The following TRPM5 variants were observed in gnomAD, a reference collection of about 807,000 sequenced individuals.
The protein encoded by TRPM5 is MLSN1 and TRP-related.
A neutral mutation model predicts 124.9 loss-of-function variants in TRPM5; 121 were observed. That is an observed-to-expected ratio of 0.97 (90% CI 0.84 to 1.13). TRPM5 has a LOEUF of 1.13. TRPM5 is among the 50% of genes most tolerant of loss of function. TRPM5 has a pLI of 0.00. For synonymous variants in TRPM5, 781 were observed against 700.5 expected, an observed-to-expected ratio of 1.11 and a Z score of -1.81; for missense variants, 1,643 against 1,589.1, an observed-to-expected ratio of 1.03 and a Z score of -0.58.
the TRPM5 span, among the ~76,000 whole-genome samples, chr11:2,435,373 C>T: frequency 6.6e-6 from 1 of 152,060 alleles, no homozygotes; most frequent in Non-Finnish European, 1.5e-5. The surrounding 1 kb of genome is among the most constrained non-coding windows in gnomAD (Gnocchi z 4.1). Context: ...CACTCACCCA[C>T]CCACTCATGC....
intron 18 of TRPM5, among the ~76,000 whole-genome samples, 166 bp downstream of exon 23, chr11:2,411,186 G>A (rs1038991145): frequency 3.9e-5 from 6 of 152,080 alleles, no homozygotes; most frequent in Non-Finnish European, 7.4e-5. Context: ...GGCCCTTTGG[G>A]GTGTGGGGGG....
intron 15 of TRPM5, among the ~76,000 whole-genome samples, chr11:2,412,511 C>T (rs1010916563): frequency 1.2e-4 from 18 of 152,226 alleles, no homozygotes; most frequent in African/African-American, 1.9e-4. Context: ...GGACTCAGTC[C>T]GTGATACAGG....
chr11:2,432,902 G>A, the TRPM5 span, among the ~76,000 whole-genome samples: 1,144 of 152,348 alleles, frequency 7.5e-3, 3 homozygotes, highest in Non-Finnish European at 0.014. Context: ...GCAGCCCGAA[G>A]CCATGCAGTG....
chr11:2,433,391 G>A, the TRPM5 span, among the ~76,000 whole-genome samples: 330 of 152,166 alleles, frequency 2.2e-3, 8 homozygotes, highest in East Asian at 0.036. Context: ...AGGGCTGCCC[G>A]GCCAACTCCA....
the TRPM5 span, among the ~76,000 whole-genome samples, chr11:2,431,575 G>A: frequency 6.6e-6 from 1 of 152,156 alleles, no homozygotes; most frequent in African/African-American, 2.4e-5. Flanking sequence ...ACCAGGTCAT[G>A]TTCCTCCCTG....
chr11:2,408,658 C>T (rs892140027), intron 18 of TRPM5, among the ~76,000 whole-genome samples: 8 of 152,202 alleles, frequency 5.3e-5, no homozygotes, highest in African/African-American at 1.9e-4. Context: ...CTGCTTCTCC[C>T]TTGTAGGGCT....
chr11:2,407,990 G>C, intron 18 of TRPM5, 78 bp from the exon 24 acceptor site: 1 of 1,553,744 alleles, frequency 6.4e-7, no homozygotes, highest in South Asian at 1.2e-5. Flanking sequence ...CCGAGATAGA[G>C]CGCTGAGTCC....
intron 22 of TRPM5, 97 bp from the exon 28 acceptor site, chr11:2,405,690 G>A (rs1228644940): frequency 1.2e-5 from 16 of 1,333,724 alleles, no homozygotes; most frequent in East Asian, 2.5e-5. Context: ...CAGGGCCCCC[G>A]CTGCCCTGTG....
At chr11:2,430,764 G>T in the TRPM5 span, among the ~76,000 whole-genome samples, 3 of 149,386 alleles carry the variant, frequency 2.0e-5, no homozygotes, top group African/African-American at 5.0e-5. Flanking sequence ...GGTGGTTTTG[G>T]TGGTGGTGAT....
At chr11:2,414,236 G>C (rs773596310) in intron 11 of TRPM5, 30 bp from the exon 17 acceptor site, 8 of 1,595,274 alleles carry the variant, frequency 5.0e-6, no homozygotes, top group Non-Finnish European at 6.8e-6. Context: ...CCGCTAGGAC[G>C]AGACGCCGAT....
At chr11:2,432,887 G>A in the TRPM5 span, among the ~76,000 whole-genome samples, 6 of 152,152 alleles carry the variant, frequency 3.9e-5, no homozygotes, top group Middle Eastern at 3.2e-3. Context: ...CTGACCCCTC[G>A]GGGGGCAGCC....
chr11:2,406,657 G>C lies in TRPM5; in HGVS notation c.3251+4C>G. 6.2e-7 allele frequency: 1 copy of C among 1,605,256 alleles called. No individual in the cohort carries two copies. The highest frequency in any genetic ancestry group is 8.5e-7 in the Non-Finnish European group (1 of 1,175,616). Reference sequence around the variant, plus strand: ...CCACCAGTGATCAGGACAGGCCCCCGCACCTGTGGGCGGTTTTCCGCAGCA... The same window carrying C: ...CCACCAGTGATCAGGACAGGCCCCCCCACCTGTGGGCGGTTTTCCGCAGCA... On this transcript the variant is annotated splice_donor_region_variant and intron_variant, in intron 21 of 23. Transcript: ENST00000155858.
At position 2,410,803 on chromosome 11, in the gene TRPM5, A is replaced by G; in HGVS notation, c.2782+549T>C. On this transcript the variant is annotated intron_variant, in intron 18 of 23. Coordinates refer to ENST00000155858, the Ensembl canonical transcript of TRPM5. ...TTGGGGTGGGTCCCCAGGAGCAGCC[A>G]GGGTGCCTTTAGGAGCGGCCAAATG... The G allele has an allele frequency of 1.7e-5, 7 of 402,792 alleles. 1 individual carries two copies. The highest frequency in any genetic ancestry group is 1.3e-4 in the South Asian group (7 of 54,760). The allele number at this position is 402,792 out of a possible 1,614,324, so 25.0% of individuals were successfully genotyped here.
chr11:2,412,747 C>T lies in TRPM5; in HGVS notation c.2355+7G>A. 6.3e-7 allele frequency: 1 copy of T among 1,584,856 alleles called. No homozygotes were observed. Among genetic ancestry groups the T allele is most frequent in the South Asian group, 1.2e-5 (1 of 86,384 alleles). ...TGGAGGGGACCTAGGCTAGTGTGGC[C>T]ACCGACCTGCCGGATTTCCTCCAGC... On this transcript the variant is annotated splice_region_variant and intron_variant, in intron 15 of 23. Coordinates refer to ENST00000155858, the Ensembl canonical transcript of TRPM5.
In TRPM5 at chr11:2,406,648, C is replaced by A; in HGVS notation, c.3251+13G>T. 1 of 1,599,644 alleles carries A rather than the reference C, an allele frequency of 6.3e-7. No homozygotes were observed. Among genetic ancestry groups the A allele is most frequent in the South Asian group, 1.1e-5 (1 of 88,360 alleles). ...GCCCGATACCCACCAGTGATCAGGA[C>A]AGGCCCCCGCACCTGTGGGCGGTTT... On this transcript the variant is annotated intron_variant, in intron 21 of 23. Coordinates refer to ENST00000155858, the Ensembl canonical transcript of TRPM5.
In TRPM5 at chr11:2,405,182, TGGG is replaced by T. The variant is rs529990161; in HGVS notation, c.3392-142_3392-140del. ...TCCCCACAGGCCAGCCTGGGGAAGA[TGGG>T]GAGCCCAGAGACAACCAGGCCTCTG... On this transcript the variant is annotated intron_variant, in intron 23 of 23. Transcript: ENST00000155858. The T allele has an allele frequency of 3.1e-3, 2,153 of 696,872 alleles. 54 individuals are homozygous for T. The South Asian group carries it at 0.037, about 12-fold the overall frequency. 43.2% of individuals were successfully genotyped at this position (696,872 alleles called of 1,614,324 possible).
upstream of TRPM5, chr11:2,423,157 T>A (rs1003815367): frequency 1.2e-5 from 9 of 780,116 alleles, no homozygotes; most frequent in African/African-American, 1.7e-5. Context: ...CCAGCCAACA[T>A]GCACAAGGAG....
At chr11:2,439,561 A>T in the TRPM5 span, among the ~76,000 whole-genome samples, 4 of 152,388 alleles carry the variant, frequency 2.6e-5, no homozygotes, top group Middle Eastern at 3.4e-3. Flanking sequence ...TGCGGTCAAC[A>T]AGCATATAAA....
the TRPM5 span, among the ~76,000 whole-genome samples, chr11:2,444,083 AC>A: frequency 4.7e-5 from 7 of 149,224 alleles, no homozygotes; most frequent in Admixed American, 2.0e-4. Context: ...CCAGGTCCAG[AC>A]CCCGGCTGTG....
Sources: allele counts gnomAD v4.1 joint callset (sites outside exome capture counted in the v4.1 genomes callset), GRCh38; gene constraint gnomAD v4.1.1; non-coding constraint Gnocchi (gnomAD v3.1); transcripts MANE v1.5; gene names NCBI Gene and HGNC (gene_info 2026-07-23, HGNC 2026-07-21).